Variants in CSMD1 observed in about 807,000 individuals in gnomAD.
CSMD1 encodes CUB and sushi domain-containing protein 1.
Under a neutral mutation model 417.5 loss-of-function variants are expected in CSMD1, and 213 were observed. The observed-to-expected ratio is 0.51, with a 90% confidence interval of 0.46 to 0.57. The LOEUF (loss-of-function observed/expected upper bound fraction) is 0.57, where lower values mean the gene tolerates loss of function less well. Ranked by LOEUF, CSMD1 falls within the 20% of genes least tolerant of loss-of-function variation. The pLI, the probability that CSMD1 is intolerant of heterozygous loss-of-function variation, is 0.00. For missense variants in CSMD1, 6,923 were observed against 4,529.7 expected, an observed-to-expected ratio of 1.53 and a Z score of -15.17; for synonymous variants, 2,862 against 1,736.8, an observed-to-expected ratio of 1.65 and a Z score of -16.11.
intron 1 of CSMD1, among the ~76,000 whole-genome samples, chr8:4,763,486 C>T (rs1812251100): frequency 6.6e-6 from 1 of 152,084 alleles, no homozygotes; most frequent in Non-Finnish European, 1.5e-5. Flanking sequence ...CATAATCATT[C>T]AATAATTTAT....
intron 2 of CSMD1, among the ~76,000 whole-genome samples, chr8:4,534,491 C>T (rs1242202300): frequency 6.6e-6 from 1 of 152,126 alleles, no homozygotes; most frequent in East Asian, 1.9e-4. Context: ...ATTTCAGATA[C>T]AGCGGGGTAC....
intron 1 of CSMD1, among the ~76,000 whole-genome samples, chr8:4,796,564 C>G (rs1481399254): frequency 1.3e-5 from 2 of 151,806 alleles, no homozygotes; most frequent in Admixed American, 1.3e-4. Flanking sequence ...GCACCCCTGT[C>G]TCCCACTCAC....
intron 2 of CSMD1, 54 bp from the exon 3 acceptor site, chr8:4,420,119 A>G: frequency 7.5e-7 from 1 of 1,338,718 alleles, no homozygotes; most frequent in Non-Finnish European, 1.0e-6. Context: ...TTTGTCAAAA[A>G]AAGCTTATTT....
At chr8:4,622,938 A>C (rs1346405154) in intron 2 of CSMD1, among the ~76,000 whole-genome samples, 1 of 152,228 alleles carries the variant, frequency 6.6e-6, no homozygotes, top group Non-Finnish European at 1.5e-5. Flanking sequence ...TAATATTTTA[A>C]AAATCAGTTA....
intron 5 of CSMD1, among the ~76,000 whole-genome samples, chr8:3,947,343 G>T (rs921062121): frequency 6.6e-6 from 1 of 152,164 alleles, no homozygotes; most frequent in Non-Finnish European, 1.5e-5. Context: ...TGATTTTCAA[G>T]AATGTTAAAC....
intron 5 of CSMD1, among the ~76,000 whole-genome samples, chr8:3,754,884 G>C (rs1041335115): frequency 7.2e-5 from 11 of 152,182 alleles, no homozygotes; most frequent in African/African-American, 1.9e-4. Context: ...CCAAAGTAAA[G>C]AAGAGGACCA....
In CSMD1 at chr8:4,036,210, G is replaced by C. The variant is rs141905345; in HGVS notation, c.416-4111C>G. On this transcript the variant is annotated intron_variant, in intron 3 of 69. Coordinates refer to ENST00000635120, the MANE Select transcript of CSMD1 (RefSeq NM_033225.6). ...TTTGCACAGGGACAAAATCACCTAA[G>C]GATGCATTTCTCAGAATGCATCCCA... is the stretch of plus-strand genomic sequence containing the variant. Among the ~76,000 whole-genome samples, 30 of 152,248 alleles carry C rather than the reference G, an allele frequency of 2.0e-4. No individual in the cohort carries two copies. In the East Asian group the frequency reaches 5.8e-3, roughly 29 times the overall value.
chr8:4,365,664 T>G (rs1253693871), intron 3 of CSMD1, among the ~76,000 whole-genome samples: 1 of 152,216 alleles, frequency 6.6e-6, no homozygotes, highest in African/African-American at 2.4e-5. Context: ...TTCCTGTGGT[T>G]AAAACCTAAG....
At chr8:3,419,589 C>G (rs984098517) in intron 12 of CSMD1, among the ~76,000 whole-genome samples, 1 of 151,984 alleles carries the variant, frequency 6.6e-6, no homozygotes, top group East Asian at 1.9e-4. Flanking sequence ...TGGAAAATCC[C>G]ACGTCTGGCC....
At chr8:3,774,086 T>G (rs181112882) in intron 5 of CSMD1, among the ~76,000 whole-genome samples, 1 of 152,316 alleles carries the variant, frequency 6.6e-6, no homozygotes, top group East Asian at 1.9e-4. Flanking sequence ...GTCATGCAGC[T>G]TCTTGTCTAA....
At chr8:4,934,345 C>A (rs34973356) in intron 1 of CSMD1, among the ~76,000 whole-genome samples, 2 of 151,986 alleles carry the variant, frequency 1.3e-5, no homozygotes, top group Non-Finnish European at 2.9e-5. Flanking sequence ...GTATTAAATT[C>A]AAAATTATTT....
intron 5 of CSMD1, among the ~76,000 whole-genome samples, chr8:3,993,248 T>C (rs747994066): frequency 6.6e-6 from 1 of 152,156 alleles, no homozygotes; most frequent in African/African-American, 2.4e-5. Flanking sequence ...TTCAAAATAA[T>C]AACAACATGA....
chr8:3,500,031 A>G (rs745859501), intron 10 of CSMD1, among the ~76,000 whole-genome samples: 1 of 152,090 alleles, frequency 6.6e-6, no homozygotes, highest in Non-Finnish European at 1.5e-5. Context: ...GAATACAGGC[A>G]TCTGGGGTGG....
At chr8:4,845,376 A>G (rs896814860) in intron 1 of CSMD1, among the ~76,000 whole-genome samples, 9 of 152,218 alleles carry the variant, frequency 5.9e-5, no homozygotes, top group Non-Finnish European at 8.8e-5. Context: ...CACACCATAC[A>G]TGGGATGATC....
Position 3,655,667 on chromosome 8 carries a change from T to C in CSMD1, c.1010-38870A>G, listed in dbSNP as rs2469391. Among the ~76,000 whole-genome samples the C allele has an allele frequency of 3.3e-5, 3 of 91,750 alleles. No homozygotes were observed. The East Asian group carries it at 8.5e-4, about 26-fold the overall frequency. The allele number at this position is 91,750 out of a possible 152,430, so 60.2% of individuals were successfully genotyped here. ...GACTCAATGGAGGTTGCGTTTTTTT[T>C]TTTTTTTTTTTTTTAATCTTCCACT... On this transcript the variant is annotated intron_variant, in intron 7 of 69. Transcript: ENST00000635120.
intron 5 of CSMD1, among the ~76,000 whole-genome samples, chr8:3,814,522 G>C (rs1018322734): frequency 6.6e-6 from 1 of 152,152 alleles, no homozygotes; most frequent in Non-Finnish European, 1.5e-5. Flanking sequence ...GACGCCATTT[G>C]GCACTACCTG....
chr8:4,617,641 C>A (rs1439311279), intron 2 of CSMD1, among the ~76,000 whole-genome samples: 12 of 152,178 alleles, frequency 7.9e-5, no homozygotes, highest in Non-Finnish European at 2.9e-5. Context: ...CTTCCCAGAT[C>A]TCCATGTGGC....
At chr8:3,452,453 T>G (rs999287454) in intron 12 of CSMD1, among the ~76,000 whole-genome samples, 1 of 152,204 alleles carries the variant, frequency 6.6e-6, no homozygotes, top group Non-Finnish European at 1.5e-5. Context: ...GGCTGTGGGT[T>G]TGTCATAGAT....
chr8:4,061,996 G>A (rs1415029535), intron 3 of CSMD1, among the ~76,000 whole-genome samples: 1 of 152,108 alleles, frequency 6.6e-6, no homozygotes, highest in African/African-American at 2.4e-5. Context: ...TGCCCTGTCT[G>A]AGAGGTCAAG....
Sources: gnomAD v4.1 joint callset for allele counts (sites outside exome capture counted in the v4.1 genomes callset) on GRCh38, gnomAD v4.1.1 for gene constraint, MANE v1.5 for transcripts, NCBI Gene and HGNC (gene_info 2026-07-23, HGNC 2026-07-21) for gene names.